The following DHRS4 variants were observed in gnomAD, a reference collection of about 807,000 sequenced individuals.
DHRS4 encodes the protein dehydrogenase/reductase SDR family member 4.
DHRS4 carries 20 observed loss-of-function variants against 28.4 expected under a neutral mutation model. That is an observed-to-expected ratio of 0.71 (90% CI 0.50 to 1.02). The LOEUF is 1.02. Ranked by LOEUF, DHRS4 falls within the 50% of genes least tolerant of loss-of-function variation. DHRS4 has a pLI of 0.00. For synonymous variants in DHRS4, 144 were observed against 146.4 expected, an observed-to-expected ratio of 0.98 and a Z score of 0.12; for missense variants, 378 against 367.2, an observed-to-expected ratio of 1.03 and a Z score of -0.24.
At position 23,966,319 on chromosome 14, in the gene DHRS4, C is replaced by A. The variant is rs1343328645; in HGVS notation, c.568C>A (p.Leu190Met). The change falls in exon 6 of 8, where the codon CTG becomes ATG. Residue 190 changes from leucine (L) to methionine (M), a missense_variant. Transcript: ENST00000313250. ...SPYNVSKTAL[L>M]GLTKTLAIEL... ...TTACAATGTCAGTAAAACAGCCTTG[C>A]TGGGCCTGACCAAGACCCTGGCCAT... is the stretch of plus-strand genomic sequence containing the variant. The A allele has an allele frequency of 2.5e-6, 4 of 1,613,936 alleles. No individual in the cohort carries two copies. The highest frequency in any genetic ancestry group is 1.7e-6 in the Non-Finnish European group (2 of 1,180,032).
Position 23,955,214 on chromosome 14 carries a change from T to C in DHRS4, c.306+2T>C, listed in dbSNP as rs766020402. 6.2e-7 allele frequency: 1 copy of C among 1,611,960 alleles called. No individual in the cohort carries two copies. The highest frequency in any genetic ancestry group is 1.1e-5 in the South Asian group (1 of 90,820). The stretch of plus-strand genomic sequence containing the variant: ...GACCGGGAGCGGCTGGTGGCCACGG[T>C]GAGCTGCAGGGAAATGGGCACAGAG... On this transcript the variant is annotated splice_donor_variant, in intron 2 of 7. Coordinates refer to ENST00000313250, the MANE Select transcript of DHRS4 (RefSeq NM_021004.4). LOFTEE classifies it high-confidence loss of function.
intron 1 of DHRS4, among the ~76,000 whole-genome samples, chr14:23,954,747 C>A (rs1304210141): frequency 6.6e-6 from 1 of 152,216 alleles, no homozygotes; most frequent in African/African-American, 2.4e-5. Context: ...TCATTTCTCA[C>A]CTCTCAGTCC....
intron 3 of DHRS4, among the ~76,000 whole-genome samples, chr14:23,961,911 A>G (rs1330975227): frequency 7.6e-5 from 11 of 144,472 alleles, no homozygotes; most frequent in Middle Eastern, 3.6e-3. Flanking sequence ...GGCACGCCTC[A>G]GAGATATTGT....
intron 1 of DHRS4, among the ~76,000 whole-genome samples, chr14:23,954,421 G>C (rs1416529180): frequency 1.3e-5 from 2 of 152,138 alleles, no homozygotes; most frequent in Non-Finnish European, 2.9e-5. Flanking sequence ...ACCTTGCCCA[G>C]CCTGTTTCTC....
intron 2 of DHRS4, among the ~76,000 whole-genome samples, chr14:23,956,738 G>A (rs1002928326): frequency 4.6e-5 from 7 of 151,800 alleles, no homozygotes; most frequent in Non-Finnish European, 1.0e-4. Flanking sequence ...CGAGCAGCTA[G>A]GATTACAGGC....
chr14:23,967,488 C>T (rs1329493746), intron 7 of DHRS4: 2 of 864,220 alleles, frequency 2.3e-6, no homozygotes, highest in South Asian at 2.9e-5. Context: ...TTCAGCAGTG[C>T]AGAGCTCTGG....
Position 23,965,862 on chromosome 14 carries a change from G to A in DHRS4, c.479+30G>A. On this transcript the variant is annotated intron_variant, in intron 4 of 7. Coordinates refer to ENST00000313250, the MANE Select transcript of DHRS4 (RefSeq NM_021004.4). ...AGAGAGTGAGAGAGAGCCTGGGTGA[G>A]AGGGGACACCACACGGGCTGAGGGC... is the stretch of plus-strand genomic sequence containing the variant. The A allele has an allele frequency of 6.8e-6, 11 of 1,606,756 alleles. 1 individual carries two copies. The highest frequency in any genetic ancestry group is 1.4e-5 in the African/African-American group (1 of 73,782).
intron 2 of DHRS4, 58 bp from the exon 3 acceptor site, chr14:23,959,844 G>A (rs2033335944): frequency 6.3e-6 from 10 of 1,583,642 alleles, no homozygotes; most frequent in Middle Eastern, 1.7e-4. Context: ...ATCAACATGG[G>A]TAAATGCACC....
intron 1 of DHRS4, chr14:23,954,191 C>G (rs1262870907): frequency 2.7e-6 from 1 of 371,414 alleles, no homozygotes; most frequent in Non-Finnish European, 4.8e-6. Flanking sequence ...TCTGGGCTGC[C>G]CCAGTCAACC....
chr14:23,958,066 C>G (rs954231014), intron 2 of DHRS4, among the ~76,000 whole-genome samples: 1 of 152,008 alleles, frequency 6.6e-6, no homozygotes, highest in Non-Finnish European at 1.5e-5. Context: ...CTGCACCTCC[C>G]TAGTAACAAG....
Position 23,953,922 on chromosome 14 carries a change from T to A in DHRS4, c.128+6T>A, listed in dbSNP as rs1465777636. On this transcript the variant is annotated splice_donor_region_variant and intron_variant, in intron 1 of 7. Coordinates refer to ENST00000313250, the MANE Select transcript of DHRS4 (RefSeq NM_021004.4). Reference sequence around the variant, plus strand: ...GTAACGGCCTCCACCGACGGGTGAGTGCTCCGGCCGGAGTTTCTGAGGCCC... The same window carrying A: ...GTAACGGCCTCCACCGACGGGTGAGAGCTCCGGCCGGAGTTTCTGAGGCCC... 4 of 1,577,896 alleles carry A rather than the reference T, an allele frequency of 2.5e-6. No individual in the cohort carries two copies. The highest frequency in any genetic ancestry group is 2.6e-6 in the Non-Finnish European group (3 of 1,162,644).
At chr14:23,959,323 T>C (rs954475381) in intron 2 of DHRS4, among the ~76,000 whole-genome samples, 7 of 152,184 alleles carry the variant, frequency 4.6e-5, no homozygotes, top group South Asian at 2.1e-4. Context: ...TTTAGGATAC[T>C]GAGGCAGGTG....
At position 23,967,085 on chromosome 14, in the gene DHRS4, C is replaced by T. The variant is rs550349868; in HGVS notation, c.667-126C>T. On this transcript the variant is annotated intron_variant, in intron 6 of 7. Transcript: ENST00000313250. Reference sequence around the variant, plus strand: ...CAGGAGAATGGCATAACCCGGGAGGCGGAGTTTGCAGTGAGCCAAGATAGC... The same window carrying T: ...CAGGAGAATGGCATAACCCGGGAGGTGGAGTTTGCAGTGAGCCAAGATAGC... 298 of 925,448 alleles carry T rather than the reference C, an allele frequency of 3.2e-4. 5 individuals carry two copies. In the South Asian group the frequency reaches 5.3e-3, roughly 16 times the overall value. The allele number at this position is 925,448 out of a possible 1,614,324, so 57.3% of individuals were successfully genotyped here. A position where few individuals can be genotyped will look rare whatever the true frequency, so the allele number is the denominator to read the frequency against.
Position 23,955,322 on chromosome 14 carries a change from A to T in DHRS4, c.306+110A>T, listed in dbSNP as rs1227868005. 5.5e-6 allele frequency: 8 copies of T among 1,441,642 alleles called. No homozygotes were observed. In the East Asian group the frequency reaches 2.0e-4, roughly 36 times the overall value. The allele number at this position is 1,441,642 out of a possible 1,614,324, so 89.3% of individuals were successfully genotyped here. On this transcript the variant is annotated intron_variant, in intron 2 of 7. Transcript: ENST00000313250. ...GCACATTTTTACTGTGTGCCTTTCTATTATGTCCATATACTAACGTCAGAG... is the reference window on the plus strand; with the variant it reads ...GCACATTTTTACTGTGTGCCTTTCTTTTATGTCCATATACTAACGTCAGAG...
Position 23,960,039 on chromosome 14 carries a change from C to T in DHRS4, c.408+36C>T, listed in dbSNP as rs372274329. On this transcript the variant is annotated intron_variant, in intron 3 of 7. Coordinates refer to ENST00000313250, the MANE Select transcript of DHRS4 (RefSeq NM_021004.4). Reference sequence around the variant, plus strand: ...ATTAAAGCAGGGGGGCCGGGGGGGGCGCCTTGGAACACATTCAGCACAAAC... The same window carrying T: ...ATTAAAGCAGGGGGGCCGGGGGGGGTGCCTTGGAACACATTCAGCACAAAC... 3.6e-5 allele frequency: 55 copies of T among 1,546,516 alleles called. 1 individual carries two copies. The highest frequency in any genetic ancestry group is 1.6e-4 in the East Asian group (7 of 44,512).
chr14:23,967,363 C>T (rs1351641734), intron 7 of DHRS4, 97 bp downstream of exon 7: 7 of 1,402,386 alleles, frequency 5.0e-6, no homozygotes, highest in African/African-American at 1.4e-5. Flanking sequence ...CCACAGATAA[C>T]ACAGGCAGGC....
At chr14:23,957,866 G>A (rs1477521289) in intron 2 of DHRS4, among the ~76,000 whole-genome samples, 1 of 149,418 alleles carries the variant, frequency 6.7e-6, no homozygotes, top group East Asian at 2.0e-4. Flanking sequence ...CATCTTTTAT[G>A]GTTTGCTGTC....
intron 1 of DHRS4, chr14:23,954,174 C>A (rs541824758): frequency 4.0e-6 from 2 of 504,856 alleles, no homozygotes; most frequent in Non-Finnish European, 7.0e-6. Flanking sequence ...TCTAGTCTCC[C>A]CAGTGTTCTG....
In DHRS4 at chr14:23,965,934, G is replaced by T; in HGVS notation, c.482G>T (p.Gly161Val). 6.2e-7 allele frequency: 1 copy of T among 1,608,400 alleles called. No homozygotes were observed. The highest frequency in any genetic ancestry group is 2.2e-5 in the East Asian group (1 of 44,470). Residue 161 changes from glycine (G) to valine (V), a missense_variant and splice_region_variant, in exon 5 of 8, where the codon GGC becomes GTC. Coordinates refer to ENST00000313250, the MANE Select transcript of DHRS4 (RefSeq NM_021004.4). ...GGTCAGCTCTCTTCTTTTTCCAGAGGCGGCTCAGTGGTGATCGTGTCTTCC... is the reference window on the plus strand; with the variant it reads ...GGTCAGCTCTCTTCTTTTTCCAGAGTCGGCTCAGTGGTGATCGTGTCTTCC... ...AVVPEMEKRG[G>V]GSVVIVSSIA...
Sources: gnomAD v4.1 joint callset for allele counts (sites outside exome capture counted in the v4.1 genomes callset) on GRCh38, gnomAD v4.1.1 for gene constraint, MANE v1.5 for transcripts, NCBI Gene and HGNC (gene_info 2026-07-23, HGNC 2026-07-21) for gene names.